The following WDR70 variants were observed in gnomAD, a reference collection of about 807,000 sequenced individuals.
WDR70 encodes WD repeat domain 70.
A neutral mutation model predicts 88.6 loss-of-function variants in WDR70; 53 were observed. That is an observed-to-expected ratio of 0.60 (90% CI 0.48 to 0.75). The LOEUF is 0.75. Among genes scored for constraint, WDR70 ranks in the 30% least tolerant of loss-of-function variants. The probability of loss-of-function intolerance (pLI) is 0.00; values close to 1 mark genes in which losing one functional copy is unlikely to be tolerated. For missense variants in WDR70, 610 were observed against 823.2 expected (o/e 0.74, Z 3.17); for synonymous variants, 280 against 270.0 (o/e 1.04, Z -0.36).
intron 9 of WDR70, among the ~76,000 whole-genome samples, chr5:37,522,425 C>T (rs12658877): frequency 0.41 from 59,555 of 146,154 alleles, 14,670 homozygotes; most frequent in Non-Finnish European, 0.54. Flanking sequence ...GAGCTAAGAT[C>T]GCGCCACTGC....
chr5:37,588,116 A>G (rs888154430), intron 9 of WDR70, among the ~76,000 whole-genome samples: 2 of 152,170 alleles, frequency 1.3e-5, no homozygotes, highest in African/African-American at 2.4e-5. Flanking sequence ...AGTATTAAAG[A>G]TCAATAGATA....
chr5:37,453,398 G>A (rs34215842), intron 7 of WDR70, among the ~76,000 whole-genome samples: 2,856 of 152,344 alleles, frequency 0.019, 38 homozygotes, highest in Non-Finnish European at 0.033. Context: ...CGAAGGGATG[G>A]GCTGAAATAA....
intron 10 of WDR70, among the ~76,000 whole-genome samples, chr5:37,684,980 G>T (rs1746538749): frequency 6.6e-6 from 1 of 152,200 alleles, no homozygotes. Flanking sequence ...GTATTAGCAT[G>T]GGGTTAGGAA....
At chr5:37,395,159 A>G (rs1357563534) in intron 4 of WDR70, among the ~76,000 whole-genome samples, 2 of 152,178 alleles carry the variant, frequency 1.3e-5, no homozygotes, top group Admixed American at 1.3e-4. Flanking sequence ...ACAATTAAGA[A>G]TGCTGAATGC....
At chr5:37,393,554 T>C (rs1325908644) in intron 4 of WDR70, among the ~76,000 whole-genome samples, 1 of 152,186 alleles carries the variant, frequency 6.6e-6, no homozygotes, top group African/African-American at 2.4e-5. Flanking sequence ...TCTGATATGT[T>C]TTGTTTCCAT....
chr5:37,404,850 G>C (rs751806855), intron 5 of WDR70, among the ~76,000 whole-genome samples: 34 of 152,256 alleles, frequency 2.2e-4, no homozygotes, highest in Admixed American at 5.2e-4. Context: ...ATTCTATCCA[G>C]AGGAAGTAAT....
At position 37,392,097 on chromosome 5, in the gene WDR70, A is replaced by G. The variant is rs1748844513; in HGVS notation, c.273A>G (p.Arg91=). 6.2e-7 allele frequency: 1 copy of G among 1,611,416 alleles called. No individual in the cohort carries two copies. Among genetic ancestry groups the G allele is most frequent in the Non-Finnish European group, 8.5e-7 (1 of 1,179,642 alleles). ...CATCCTCAAGATCAAATGTGGTCAG[A>G]GATTGCTCCAAATCATCTTCCAGGT... is the stretch of plus-strand genomic sequence containing the variant. ...EPTSSRSNVV[R]DCSKSSSRDT... Residue 91 remains arginine, a synonymous_variant, in exon 4 of 18, where the codon AGA becomes AGG. Transcript: ENST00000265107.
chr5:37,617,042 C>T (rs1744365357), intron 10 of WDR70, among the ~76,000 whole-genome samples: 1 of 152,144 alleles, frequency 6.6e-6, no homozygotes, highest in South Asian at 2.1e-4. Flanking sequence ...ATAGTATTAA[C>T]AAGTGATATT....
At chr5:37,749,611 AT>A (rs1305070951) in intron 17 of WDR70, among the ~76,000 whole-genome samples, 1 of 152,178 alleles carries the variant, frequency 6.6e-6, no homozygotes, top group African/African-American at 2.4e-5. Flanking sequence ...TGCTGGCAAC[AT>A]TATGATTAGT....
At chr5:37,419,947 C>A (rs1485102997) in intron 5 of WDR70, among the ~76,000 whole-genome samples, 1 of 152,058 alleles carries the variant, frequency 6.6e-6, no homozygotes, top group Non-Finnish European at 1.5e-5. Flanking sequence ...CTGTGTTGCC[C>A]AGGCCAGTCT....
intron 8 of WDR70, among the ~76,000 whole-genome samples, chr5:37,502,869 A>G (rs1740446868): frequency 6.6e-6 from 1 of 152,198 alleles, no homozygotes. Context: ...GTGAGAACTC[A>G]CTATCACAAA....
intron 9 of WDR70, among the ~76,000 whole-genome samples, chr5:37,566,354 T>C (rs1196957036): frequency 6.6e-6 from 1 of 152,160 alleles, no homozygotes; most frequent in Non-Finnish European, 1.5e-5. Context: ...TAGTATATCA[T>C]TAATTACCCA....
intron 7 of WDR70, among the ~76,000 whole-genome samples, chr5:37,455,183 T>A (rs1016886066): frequency 1.3e-5 from 2 of 152,052 alleles, no homozygotes; most frequent in Non-Finnish European, 2.9e-5. Flanking sequence ...AACATTGGAT[T>A]TTACCTCTGA....
chr5:37,551,896 C>T (rs934554450), intron 9 of WDR70, among the ~76,000 whole-genome samples: 1 of 150,758 alleles, frequency 6.6e-6, no homozygotes. Context: ...CTCAGCCTCC[C>T]GAGTAGTTGG....
chr5:37,699,400 T>TACACACACACACACACACAC (rs780871678), intron 11 of WDR70, among the ~76,000 whole-genome samples: 4 of 146,954 alleles, frequency 2.7e-5, no homozygotes, highest in African/African-American at 7.6e-5. Flanking sequence ...TGTATATATA[T>TACACACACACACACACACAC]ATACACACAC....
chr5:37,393,821 C>T (rs1748922431), intron 4 of WDR70, among the ~76,000 whole-genome samples: 1 of 152,080 alleles, frequency 6.6e-6, no homozygotes, highest in Non-Finnish European at 1.5e-5. Context: ...GGTGGTACTA[C>T]AGGTGTGTGC....
At chr5:37,390,717 GTTTT>G (rs560301932) in intron 3 of WDR70, among the ~76,000 whole-genome samples, 1 of 132,454 alleles carries the variant, frequency 7.5e-6, no homozygotes. Flanking sequence ...AAAAAGTGCT[GTTTT>G]TTTTTTTTTT....
At chr5:37,464,393 A>C (rs1581305651) in intron 7 of WDR70, among the ~76,000 whole-genome samples, 1 of 152,218 alleles carries the variant, frequency 6.6e-6, no homozygotes, top group Non-Finnish European at 1.5e-5. Context: ...AATTGCCTGA[A>C]ATTTGATCTA....
At chr5:37,498,832 G>A (rs759419997) in intron 8 of WDR70, among the ~76,000 whole-genome samples, 1 of 152,154 alleles carries the variant, frequency 6.6e-6, no homozygotes, top group Non-Finnish European at 1.5e-5. Context: ...GTGTGAACAT[G>A]TTTTCAAATC....
Sources: gnomAD v4.1 joint callset for allele counts (sites outside exome capture counted in the v4.1 genomes callset) on GRCh38, gnomAD v4.1.1 for gene constraint, MANE v1.5 for transcripts, NCBI Gene and HGNC (gene_info 2026-07-23, HGNC 2026-07-21) for gene names.